PDZD2: variants seen among roughly 807,000 people sequenced by gnomAD.
The protein encoded by PDZD2 is PDZ domain containing 2.
PDZD2 carries 90 observed loss-of-function variants against 220.7 expected under a neutral mutation model. That is an observed-to-expected ratio of 0.41 (90% CI 0.34 to 0.49). PDZD2 has a LOEUF of 0.49. Among genes scored for constraint, PDZD2 ranks in the 20% least tolerant of loss-of-function variants. The pLI is 0.28. For synonymous variants in PDZD2, 1,375 were observed against 1,450.5 expected, an observed-to-expected ratio of 0.95 and a Z score of 1.18; for missense variants, 3,174 against 3,608.5, an observed-to-expected ratio of 0.88 and a Z score of 3.08.
rs567486229 is a variant in PDZD2 at position 32,097,931 on chromosome 5, T to A, written c.7948-433T>A. Reference sequence around the variant, plus strand: ...CCCGCACTGAATGTATGTTTTTTTTTATAAAGCAAGTGTCTACCTTAGAAA... The same window carrying A: ...CCCGCACTGAATGTATGTTTTTTTTAATAAAGCAAGTGTCTACCTTAGAAA... On this transcript the variant is annotated intron_variant, in intron 22 of 24. Coordinates refer to ENST00000438447, the MANE Select transcript of PDZD2 (RefSeq NM_178140.4). Among the ~76,000 whole-genome samples the A allele has an allele frequency of 7.9e-5, 12 of 152,292 alleles. No homozygotes were observed. The East Asian group carries it at 1.5e-3, about 20-fold the overall frequency.
At chr5:31,664,384 A>T (rs1287043212) in intron 1 of PDZD2, among the ~76,000 whole-genome samples, 3 of 152,172 alleles carry the variant, frequency 2.0e-5, no homozygotes, top group African/African-American at 7.2e-5. Flanking sequence ...CTCAAATCCC[A>T]GGAAGCAGAA....
intron 1 of PDZD2, among the ~76,000 whole-genome samples, chr5:31,769,563 G>A (rs75829354): frequency 2.8e-3 from 433 of 152,324 alleles, no homozygotes; most frequent in African/African-American, 1.0e-2. Flanking sequence ...AAAAGAGCCC[G>A]GTTTCCTCCT....
intron 7 of PDZD2, 34 bp from the exon 8 acceptor site, chr5:32,048,505 T>C (rs746385243): frequency 6.3e-7 from 1 of 1,593,064 alleles, no homozygotes; most frequent in Non-Finnish European, 8.6e-7. Context: ...TTTTGTCCCA[T>C]ATCAAACTAT....
intron 2 of PDZD2, among the ~76,000 whole-genome samples, chr5:31,868,224 T>A (rs1738410027): frequency 6.6e-6 from 1 of 152,102 alleles, no homozygotes; most frequent in East Asian, 1.9e-4. Flanking sequence ...GGTGGGTGGA[T>A]CACGAGGGTC....
At chr5:31,777,340 C>T (rs1037470381) in intron 1 of PDZD2, among the ~76,000 whole-genome samples, 2 of 152,200 alleles carry the variant, frequency 1.3e-5, no homozygotes, top group African/African-American at 2.4e-5. Context: ...CGCCTCCCTG[C>T]GGTGCAGGGC....
intron 2 of PDZD2, among the ~76,000 whole-genome samples, chr5:31,861,756 G>A (rs745520127): frequency 3.3e-5 from 5 of 152,220 alleles, no homozygotes; most frequent in East Asian, 1.9e-4. Context: ...GGTTTCTTCC[G>A]TCTTCCACCC....
rs773963526 is a variant in PDZD2 at position 32,093,713 on chromosome 5, T to C, written c.7845+689T>C. ...TCCTAAGAGGCCAGGTGCAGTGGCT[T>C]ACACCTGTAATCTCAGAACTTTGGG... is the stretch of plus-strand genomic sequence containing the variant. On this transcript the variant is annotated intron_variant, in intron 21 of 24. Transcript: ENST00000438447. Among the ~76,000 whole-genome samples, 93 of 152,290 alleles carry C rather than the reference T, an allele frequency of 6.1e-4. 1 individual carries two copies. The highest frequency in any genetic ancestry group is 1.1e-3 in the Non-Finnish European group (72 of 68,026).
At chr5:31,935,269 C>G (rs1318621308) in intron 2 of PDZD2, among the ~76,000 whole-genome samples, 1 of 152,150 alleles carries the variant, frequency 6.6e-6, no homozygotes, top group Non-Finnish European at 1.5e-5. Context: ...TTTTTGGAAT[C>G]TTTGTCTCTG....
intron 2 of PDZD2, among the ~76,000 whole-genome samples, chr5:31,981,585 G>A: frequency 6.6e-6 from 1 of 152,200 alleles, no homozygotes; most frequent in Admixed American, 6.5e-5. Flanking sequence ...CTGTTTACCT[G>A]CAGTCATCAT....
chr5:31,927,158 C>A (rs923748956), intron 2 of PDZD2, among the ~76,000 whole-genome samples: 14 of 152,144 alleles, frequency 9.2e-5, no homozygotes, highest in African/African-American at 3.4e-4. Context: ...TATACCTCAG[C>A]ATCATACAAT....
chr5:31,808,024 T>G (rs1228211014), intron 2 of PDZD2, among the ~76,000 whole-genome samples: 1 of 152,178 alleles, frequency 6.6e-6, no homozygotes, highest in Non-Finnish European at 1.5e-5. Context: ...TTAAACAGTG[T>G]CAAGAGGCTG....
chr5:31,912,729 G>A (rs1029382432), intron 2 of PDZD2, among the ~76,000 whole-genome samples: 2 of 152,210 alleles, frequency 1.3e-5, no homozygotes, highest in Non-Finnish European at 2.9e-5. Flanking sequence ...CTCCATGGAG[G>A]TGTCTCTCTA....
At chr5:31,849,871 CATATAT>C in intron 2 of PDZD2, among the ~76,000 whole-genome samples, 1 of 50,540 alleles carries the variant, frequency 2.0e-5, no homozygotes, top group East Asian at 5.9e-4. Context: ...TATATATATA[CATATAT>C]ATATATATAT....
At chr5:31,904,254 C>T (rs1223978719) in intron 2 of PDZD2, among the ~76,000 whole-genome samples, 1 of 152,148 alleles carries the variant, frequency 6.6e-6, no homozygotes, top group Non-Finnish European at 1.5e-5. Flanking sequence ...ATAGTGAAAT[C>T]AGCCACAAAT....
chr5:31,753,507 C>T (rs1001445094), intron 1 of PDZD2, among the ~76,000 whole-genome samples: 3 of 152,212 alleles, frequency 2.0e-5, no homozygotes, highest in Middle Eastern at 3.4e-3. Context: ...GGCTGAGGCA[C>T]AAGAATTGCT....
chr5:32,090,122 T>C lies in PDZD2; in HGVS notation c.6674T>C (p.Met2225Thr), dbSNP rs1198418776. 6.2e-6 allele frequency: 10 copies of C among 1,613,844 alleles called. No individual in the cohort carries two copies. The highest frequency in any genetic ancestry group is 6.8e-6 in the Non-Finnish European group (8 of 1,180,004). Reference protein sequence around the residue: ...TPRPATRTYSMPAQFSSHFGR... With the variant: ...TPRPATRTYSTPAQFSSHFGR... ...AGGCCAGCGACCAGGACCTACTCCATGCCAGCCCAGTTCTCAAGCCATTTT... is the reference window on the plus strand; with the variant it reads ...AGGCCAGCGACCAGGACCTACTCCACGCCAGCCCAGTTCTCAAGCCATTTT... The change falls in exon 20 of 25, where the codon ATG (methionine) becomes ACG (threonine). Residue 2225 changes from methionine (M) to threonine (T), a missense_variant. Transcript: ENST00000438447. This position sits in a 1 kb window ranked among gnomAD's most constrained non-coding sequence, Gnocchi z 4.3.
intron 2 of PDZD2, among the ~76,000 whole-genome samples, chr5:31,912,286 G>A (rs779430249): frequency 6.6e-6 from 1 of 152,058 alleles, no homozygotes; most frequent in Non-Finnish European, 1.5e-5. Flanking sequence ...GGTGGAAGAG[G>A]CCAGGCAGTT....
chr5:31,991,795 G>A lies in PDZD2; in HGVS notation c.979-3781G>A, dbSNP rs188035973. On this transcript the variant is annotated intron_variant, in intron 3 of 24. Transcript: ENST00000438447. ...TGTAATCTCAGCACTTTGGGAGGCC[G>A]AGGTGGGCAGATCACCAGTGGTCAG... Among the ~76,000 whole-genome samples the A allele has an allele frequency of 2.4e-3, 362 of 152,246 alleles. 4 individuals carry two copies. The highest frequency in any genetic ancestry group is 0.014 in the Middle Eastern group (4 of 292).
chr5:32,108,324 C>G lies in PDZD2; in HGVS notation c.*189C>G. 1 of 432,418 alleles carries G rather than the reference C, an allele frequency of 2.3e-6. No individual in the cohort carries two copies. The highest frequency in any genetic ancestry group is 5.9e-5 in the South Asian group (1 of 16,820). The allele number at this position is 432,418 out of a possible 1,614,324, so 26.8% of individuals were successfully genotyped here. A position where few individuals can be genotyped will look rare whatever the true frequency, so the allele number is the denominator to read the frequency against. On this transcript the variant is annotated 3_prime_UTR_variant, in exon 25 of 25. Transcript: ENST00000438447. ...ACAGCAATGAAATTAACTCCAGAAG[C>G]CTTCCACCTGCGTCACCCAGGCCGG...
Sources: allele counts gnomAD v4.1 joint callset (sites outside exome capture counted in the v4.1 genomes callset), GRCh38; gene constraint gnomAD v4.1.1; non-coding constraint Gnocchi (gnomAD v3.1); transcripts MANE v1.5; gene names NCBI Gene and HGNC (gene_info 2026-07-23, HGNC 2026-07-21).